Variants in FAM78B observed in about 807,000 individuals in gnomAD.
The protein encoded by FAM78B is family with sequence similarity 78 member B.
In FAM78B, 10 loss-of-function variants were observed where a neutral mutation model predicts 20.0. The observed-to-expected ratio is 0.50, with a 90% CI of 0.31 to 0.85. The LOEUF (loss-of-function observed/expected upper bound fraction) is 0.85. Ranked by LOEUF, FAM78B falls within the 40% of genes least tolerant of loss-of-function variation. The pLI is 0.05. For missense variants in FAM78B, 283 were observed against 345.0 expected, an observed-to-expected ratio of 0.82 and a Z score of 1.42; for synonymous variants, 135 against 132.8, an observed-to-expected ratio of 1.02 and a Z score of -0.12.
chr1:166,165,579 C>A (rs537972219), intron 1 of FAM78B, among the ~76,000 whole-genome samples: 32 of 152,126 alleles, frequency 2.1e-4, no homozygotes, highest in Non-Finnish European at 3.8e-4. Context: ...ACAGCCCATG[C>A]GCCCCCGGCA....
chr1:166,089,236 T>A (rs1032619080), intron 1 of FAM78B, among the ~76,000 whole-genome samples: 1 of 152,230 alleles, frequency 6.6e-6, no homozygotes, highest in Non-Finnish European at 1.5e-5. Flanking sequence ...TCATAGAACT[T>A]ATCACCATTT....
At chr1:166,146,643 T>G (rs1008391515) in intron 1 of FAM78B, among the ~76,000 whole-genome samples, 3 of 152,100 alleles carry the variant, frequency 2.0e-5, no homozygotes, top group African/African-American at 7.2e-5. Flanking sequence ...GTTGGGAAGT[T>G]GCGAATATAC....
chr1:166,164,486 C>T (rs1321298998), intron 1 of FAM78B, among the ~76,000 whole-genome samples: 1 of 152,234 alleles, frequency 6.6e-6, no homozygotes, highest in African/African-American at 2.4e-5. Flanking sequence ...TTTCTCACAT[C>T]TAGCTGTCTT....
chr1:166,109,814 G>GTGTGTATATATA (rs1553219345), intron 1 of FAM78B, among the ~76,000 whole-genome samples: 2 of 32,648 alleles, frequency 6.1e-5, no homozygotes, highest in African/African-American at 2.0e-4. Flanking sequence ...ATGTATATAT[G>GTGTGTATATATA]TATATATATA....
At chr1:166,086,073 CTTTTTTTT>C (rs77694495) in intron 1 of FAM78B, among the ~76,000 whole-genome samples, 1 of 132,936 alleles carries the variant, frequency 7.5e-6, no homozygotes, top group Non-Finnish European at 1.6e-5. Context: ...CTATGTTACT[CTTTTTTTT>C]TTTTTTTTTT....
At chr1:166,129,871 C>T (rs1654810336) in intron 1 of FAM78B, among the ~76,000 whole-genome samples, 1 of 152,208 alleles carries the variant, frequency 6.6e-6, no homozygotes, top group African/African-American at 2.4e-5. Context: ...TATGGCCATG[C>T]CATGTCACTG....
At chr1:166,153,180 G>A (rs2101799766) in intron 1 of FAM78B, among the ~76,000 whole-genome samples, 1 of 152,318 alleles carries the variant, frequency 6.6e-6, no homozygotes, top group Admixed American at 6.5e-5. Context: ...AAGGGTGAAT[G>A]GTTCTGCTCC....
intron 1 of FAM78B, among the ~76,000 whole-genome samples, chr1:166,152,479 A>C (rs1322668468): frequency 1.3e-5 from 2 of 151,924 alleles, no homozygotes; most frequent in Non-Finnish European, 2.9e-5. Flanking sequence ...CCAGGCCTTT[A>C]AGATGCTTGC....
chr1:166,089,549 A>T (rs975318424), intron 1 of FAM78B, among the ~76,000 whole-genome samples: 2 of 152,088 alleles, frequency 1.3e-5, no homozygotes, highest in Admixed American at 6.6e-5. Flanking sequence ...AAGACCTGAG[A>T]GTGGGCTGTT....
rs1656393714 is a variant in FAM78B at position 166,166,439 on chromosome 1, C to A, written c.-191G>T. The A allele has an allele frequency of 6.6e-6, 2 of 301,168 alleles. No homozygotes were observed. The highest frequency in any genetic ancestry group is 2.3e-5 in the African/African-American group (1 of 43,990). The allele number at this position is 301,168 out of a possible 1,614,324, so 18.7% of individuals were successfully genotyped here. On this transcript the variant is annotated 5_prime_UTR_variant, in exon 1 of 2. Transcript: ENST00000354422. ...TCCTCTTGCAGCCGCGCGGGGTCCC[C>A]GCTGCCCCGACGTCCGCCCACGCCC... is the stretch of plus-strand genomic sequence containing the variant.
chr1:166,098,210 G>T (rs1448236938), intron 1 of FAM78B, among the ~76,000 whole-genome samples: 1 of 152,118 alleles, frequency 6.6e-6, no homozygotes, highest in Non-Finnish European at 1.5e-5. Flanking sequence ...ACACATGTGG[G>T]ACAAAAGAAT....
intron 1 of FAM78B, among the ~76,000 whole-genome samples, chr1:166,106,443 A>AT (rs1483026415): frequency 3.3e-5 from 5 of 151,646 alleles, no homozygotes; most frequent in Admixed American, 6.6e-5. Context: ...TAAAACTTAA[A>AT]TTAAAAAAAA....
At chr1:166,132,778 C>A (rs1002257904) in intron 1 of FAM78B, among the ~76,000 whole-genome samples, 11 of 152,166 alleles carry the variant, frequency 7.2e-5, no homozygotes, top group Admixed American at 6.5e-4. Flanking sequence ...GCTAAGTGTA[C>A]CAGAAAGGCC....
intron 1 of FAM78B, among the ~76,000 whole-genome samples, chr1:166,126,340 G>C (rs144786616): frequency 6.6e-6 from 1 of 152,262 alleles, no homozygotes; most frequent in African/African-American, 2.4e-5. Flanking sequence ...ATAAAACAAA[G>C]ATCTCTGACT....
At chr1:166,079,473 C>T (rs1029657483) in intron 1 of FAM78B, among the ~76,000 whole-genome samples, 13 of 152,166 alleles carry the variant, frequency 8.5e-5, no homozygotes, top group East Asian at 1.9e-4. Context: ...TTTGGGCCCA[C>T]GGGGTGGCCA....
intron 1 of FAM78B, among the ~76,000 whole-genome samples, chr1:166,073,356 T>C (rs1487588836): frequency 6.6e-6 from 1 of 152,202 alleles, no homozygotes; most frequent in Non-Finnish European, 1.5e-5. Context: ...CATTAAGGGA[T>C]GGTTTGATTT....
chr1:166,078,395 G>A (rs1201954709), intron 1 of FAM78B, among the ~76,000 whole-genome samples: 7 of 152,158 alleles, frequency 4.6e-5, no homozygotes, highest in Non-Finnish European at 1.5e-5. Context: ...GTGATAAACA[G>A]TGTTTTTGCT....
downstream of FAM78B, among the ~76,000 whole-genome samples, chr1:166,056,405 G>A (rs1041961427): frequency 1.3e-5 from 2 of 152,156 alleles, no homozygotes; most frequent in African/African-American, 4.8e-5. Flanking sequence ...TCAGAGTGCA[G>A]GTGGTGGGGA....
intron 1 of FAM78B, among the ~76,000 whole-genome samples, chr1:166,104,119 T>C (rs1259803493): frequency 6.6e-6 from 1 of 152,166 alleles, no homozygotes; most frequent in Non-Finnish European, 1.5e-5. Context: ...ATTATCTCAA[T>C]AGATGCAGAA....
Sources: allele counts gnomAD v4.1 joint callset (sites outside exome capture counted in the v4.1 genomes callset), GRCh38; gene constraint gnomAD v4.1.1; transcripts MANE v1.5; gene names NCBI Gene and HGNC (gene_info 2026-07-23, HGNC 2026-07-21).